The following KLHL2 variants were observed in gnomAD, a reference collection of about 807,000 sequenced individuals.
KLHL2 encodes kelch like family member 2, also known as kelch-like protein 2.
In KLHL2, 15 loss-of-function variants were observed where a neutral mutation model predicts 75.8. The ratio of observed to expected loss-of-function variants is 0.20; its 90% CI spans 0.13 to 0.30. The LOEUF is 0.30. Among genes scored for constraint, KLHL2 ranks in the 10% least tolerant of loss-of-function variants. The pLI is 1.00. For synonymous variants in KLHL2, 214 were observed against 251.9 expected (o/e 0.85, Z 1.42); for missense variants, 381 against 741.0 (o/e 0.51, Z 5.64).
At chr4:165,310,995 T>C (rs1445567195) in intron 10 of KLHL2, among the ~76,000 whole-genome samples, 5 of 151,754 alleles carry the variant, frequency 3.3e-5, no homozygotes, top group Admixed American at 6.6e-5. Context: ...GCTGGGACTA[T>C]AGGTGCCCGC....
chr4:165,214,429 A>G (rs1737397897), intron 1 of KLHL2, among the ~76,000 whole-genome samples: 1 of 152,178 alleles, frequency 6.6e-6, no homozygotes, highest in African/African-American at 2.4e-5. Context: ...TCCTGGTAAT[A>G]GTCACTGTCA....
rs1158070745 is a variant in KLHL2, at chr4:165,264,737, T to TAC, written c.544+1379_544+1380insCA. 2.4e-4 allele frequency among the ~76,000 whole-genome samples: 18 copies of TAC among 75,544 alleles called. 1 individual carries two copies. The highest frequency in any genetic ancestry group is 3.6e-4 in the Non-Finnish European group (14 of 38,382). 49.6% of individuals were successfully genotyped at this position (75,544 alleles called of 152,430 possible). A position where few individuals can be genotyped will look rare whatever the true frequency, so the allele number is the denominator to read the frequency against. ...ATATATATACATATATATATATATA[T>TAC]ATGTATATATATATATATATATATA... On this transcript the variant is annotated intron_variant, in intron 5 of 14. Coordinates refer to ENST00000226725, the MANE Select transcript of KLHL2 (RefSeq NM_007246.4).
At chr4:165,302,824 G>A (rs753411454) in intron 8 of KLHL2, among the ~76,000 whole-genome samples, 8 of 152,210 alleles carry the variant, frequency 5.3e-5, no homozygotes, top group Middle Eastern at 3.4e-3. Flanking sequence ...TTTAATTGAC[G>A]TACATTTCAG....
intron 7 of KLHL2, among the ~76,000 whole-genome samples, chr4:165,298,735 AG>A (rs1473942240): frequency 2.6e-5 from 4 of 152,266 alleles, no homozygotes; most frequent in Admixed American, 2.6e-4. Flanking sequence ...CAGGAGTTCG[AG>A]ACCAGCCTGG....
At chr4:165,299,763 C>G (rs1284575295) in intron 8 of KLHL2, 107 bp downstream of exon 8, 1 of 1,035,570 alleles carries the variant, frequency 9.7e-7, no homozygotes, top group African/African-American at 1.6e-5. Context: ...TTTTAGTTTT[C>G]CTTCAAGAGA....
rs758703837 is a variant in KLHL2 at position 165,317,866 on chromosome 4, G to A, written c.1650G>A (p.Gly550=). 5 of 1,613,494 alleles carry A rather than the reference G, an allele frequency of 3.1e-6. No individual in the cohort carries two copies. Among genetic ancestry groups the A allele is most frequent in the Non-Finnish European group, 4.2e-6 (5 of 1,179,664 alleles). Reference sequence around the variant, plus strand: ...ATGGTCTGTTATATGTTGTTGGAGGGGATGATGGTTCCTGTAACTTGGCGT... The same window carrying A: ...ATGGTCTGTTATATGTTGTTGGAGGAGATGATGGTTCCTGTAACTTGGCGT... ...AVNGLLYVVG[G]DDGSCNLASV... The change falls in exon 14 of 15, where the codon GGG becomes GGA. Residue 550 remains glycine (G), a synonymous_variant. Coordinates refer to ENST00000226725, the MANE Select transcript of KLHL2 (RefSeq NM_007246.4).
chr4:165,278,562 G>C (rs747712516), intron 5 of KLHL2: 17 of 1,610,300 alleles, frequency 1.1e-5, no homozygotes, highest in Non-Finnish European at 1.4e-5. Flanking sequence ...GAAAATGCTG[G>C]GACGAAGTAG....
At chr4:165,225,325 C>T (rs1738345771) in intron 2 of KLHL2, among the ~76,000 whole-genome samples, 1 of 152,188 alleles carries the variant, frequency 6.6e-6, no homozygotes, top group South Asian at 2.1e-4. Flanking sequence ...TTTATAATCA[C>T]TTATTTCCTT....
chr4:165,239,264 C>CCTT (rs1560997161), intron 4 of KLHL2, among the ~76,000 whole-genome samples: 3 of 134,844 alleles, frequency 2.2e-5, no homozygotes, highest in Non-Finnish European at 1.6e-5. Flanking sequence ...TTATTTCTGT[C>CCTT]TTTTTTTTTT....
chr4:165,207,923 G>C lies in KLHL2; in HGVS notation c.26+21G>C. ...CCCGCGTGAGTGAGCGGGCGGGCGG[G>C]CTGCGCCGCTGCGGATAAGCGCGCC... is the stretch of plus-strand genomic sequence containing the variant. On this transcript the variant is annotated intron_variant, in intron 1 of 14. Coordinates refer to ENST00000226725, the MANE Select transcript of KLHL2 (RefSeq NM_007246.4). The surrounding 1 kb of genome is among the most constrained non-coding windows in gnomAD (Gnocchi z 4.2). 3.6e-6 allele frequency: 5 copies of C among 1,400,032 alleles called. No individual in the cohort carries two copies. The highest frequency in any genetic ancestry group is 4.7e-6 in the Non-Finnish European group (5 of 1,068,884). 86.7% of individuals were successfully genotyped at this position (1,400,032 alleles called of 1,614,324 possible). A position where few individuals can be genotyped will look rare whatever the true frequency, so the allele number is the denominator to read the frequency against.
At chr4:165,232,639 C>T (rs1295605291) in intron 3 of KLHL2, among the ~76,000 whole-genome samples, 1 of 152,012 alleles carries the variant, frequency 6.6e-6, no homozygotes, top group Non-Finnish European at 1.5e-5. Context: ...ACTGGGGAGG[C>T]TGAGGCAGGA....
At chr4:165,256,920 A>G (rs927067611) in intron 4 of KLHL2, among the ~76,000 whole-genome samples, 17 of 152,204 alleles carry the variant, frequency 1.1e-4, no homozygotes, top group African/African-American at 4.1e-4. Context: ...TACTAAATGT[A>G]TTAGAAACAT....
At chr4:165,283,433 A>T (rs182510768) in intron 5 of KLHL2, among the ~76,000 whole-genome samples, 2 of 152,250 alleles carry the variant, frequency 1.3e-5, no homozygotes, top group African/African-American at 2.4e-5. Context: ...AAATGGGAGA[A>T]ATTGGCCAAA....
chr4:165,311,512 A>T lies in KLHL2; in HGVS notation c.1286A>T (p.His429Leu). The change falls in exon 11 of 15, where the codon CAT becomes CTT. Residue 429 changes from histidine to leucine, a missense_variant. This residue lies in a region of KLHL2 where 168 missense variants were observed against 370.4 expected (regional missense o/e 0.45). Transcript: ENST00000226725. Reference protein sequence around the residue: ...AYNIKSNEWFHVAPMNTRRSS... With the variant: ...AYNIKSNEWFLVAPMNTRRSS... ...AACATAAAGTCTAATGAGTGGTTTC[A>T]TGTAGCTCCCATGAATACAAGGAGG... is the stretch of plus-strand genomic sequence containing the variant. The T allele has an allele frequency of 6.2e-7, 1 of 1,614,064 alleles. No homozygotes were observed. Among genetic ancestry groups the T allele is most frequent in the South Asian group, 1.1e-5 (1 of 91,080 alleles).
intron 3 of KLHL2, among the ~76,000 whole-genome samples, chr4:165,236,342 A>G (rs1739346977): frequency 6.6e-6 from 1 of 152,230 alleles, no homozygotes; most frequent in African/African-American, 2.4e-5. Flanking sequence ...ACAAATGGTA[A>G]GGATAAACTA....
intron 1 of KLHL2, among the ~76,000 whole-genome samples, chr4:165,217,612 T>A (rs1453653213): frequency 6.6e-6 from 1 of 152,194 alleles, no homozygotes; most frequent in African/African-American, 2.4e-5. Flanking sequence ...GTAGAACTGA[T>A]GTGCACTTGT....
intron 1 of KLHL2, among the ~76,000 whole-genome samples, chr4:165,217,264 G>A (rs1737612598): frequency 6.6e-6 from 1 of 152,098 alleles, no homozygotes; most frequent in South Asian, 2.1e-4. Context: ...AGTTTGCATG[G>A]GTTGCATATA....
At chr4:165,262,717 T>C (rs1741791466) in intron 4 of KLHL2, among the ~76,000 whole-genome samples, 1 of 152,072 alleles carries the variant, frequency 6.6e-6, no homozygotes, top group Non-Finnish European at 1.5e-5. Context: ...TAGCTGGCAC[T>C]ACAGTTGCGT....
chr4:165,222,979 G>A (rs1224447684), intron 2 of KLHL2, among the ~76,000 whole-genome samples: 1 of 152,232 alleles, frequency 6.6e-6, no homozygotes, highest in Non-Finnish European at 1.5e-5. Flanking sequence ...GTGGTTGTGG[G>A]AATGGGGGTA....
Sources: allele counts gnomAD v4.1 joint callset (sites outside exome capture counted in the v4.1 genomes callset), GRCh38; gene constraint gnomAD v4.1.1; regional missense constraint gnomAD v4.1.1; non-coding constraint Gnocchi (gnomAD v3.1); transcripts MANE v1.5; gene names NCBI Gene and HGNC (gene_info 2026-07-23, HGNC 2026-07-21).